GSE1: variants seen among roughly 807,000 people sequenced by gnomAD.
GSE1 encodes genetic suppressor element 1.
A neutral mutation model predicts 112.6 loss-of-function variants in GSE1; 32 were observed. That is an observed-to-expected ratio of 0.28 (90% CI 0.21 to 0.38). The LOEUF (loss-of-function observed/expected upper bound fraction) is 0.38. Ranked by LOEUF, GSE1 falls within the 10% of genes least tolerant of loss-of-function variation. GSE1 has a pLI of 1.00. For synonymous variants in GSE1, 1,115 were observed against 735.6 expected (o/e 1.52, Z -8.35); for missense variants, 2,348 against 1,699.2 (o/e 1.38, Z -6.71).
chr16:85,293,443 G>A (rs142537093), intron 1 of GSE1, among the ~76,000 whole-genome samples: 2,656 of 152,276 alleles, frequency 0.017, 261 homozygotes, highest in Admixed American at 0.16. Context: ...CAACTCGGGA[G>A]GCTGAGGCAG....
intron 1 of GSE1, among the ~76,000 whole-genome samples, chr16:85,625,356 C>T (rs919685128): frequency 3.3e-5 from 5 of 152,220 alleles, no homozygotes; most frequent in African/African-American, 1.2e-4. Context: ...GAACCTCAGT[C>T]GCAGGACCGT....
chr16:85,294,576 G>A (rs563995105), intron 1 of GSE1, among the ~76,000 whole-genome samples: 2 of 150,120 alleles, frequency 1.3e-5, no homozygotes, highest in African/African-American at 4.9e-5. Flanking sequence ...ACAGGCTGGG[G>A]TCACATTCAG....
intron 2 of GSE1, among the ~76,000 whole-genome samples, chr16:85,397,989 T>C (rs955451663): frequency 2.1e-5 from 3 of 142,364 alleles, no homozygotes; most frequent in Non-Finnish European, 3.1e-5. Flanking sequence ...GGGGGTGGGG[T>C]TGGGGGTGGG....
intron 3 of GSE1, among the ~76,000 whole-genome samples, chr16:85,653,164 T>C: frequency 9.3e-6 from 1 of 107,950 alleles, no homozygotes. Flanking sequence ...AGCCCCCATC[T>C]GGGCCGCCCT....
intron 1 of GSE1, among the ~76,000 whole-genome samples, chr16:85,319,282 G>C (rs74031789): frequency 6.6e-6 from 1 of 152,158 alleles, no homozygotes; most frequent in Admixed American, 6.5e-5. Context: ...ACTTGCGATC[G>C]GTGCCAGGGC....
intron 2 of GSE1, among the ~76,000 whole-genome samples, chr16:85,385,069 G>A (rs371772387): frequency 5.9e-5 from 9 of 152,350 alleles, no homozygotes; most frequent in East Asian, 1.9e-4. Context: ...CACCTGCCCC[G>A]GGCCCTGTTG....
At chr16:85,666,523 A>G in intron 13 of GSE1, 176 bp downstream of exon 13, 1 of 655,600 alleles carries the variant, frequency 1.5e-6, no homozygotes, top group Non-Finnish European at 2.6e-6. Flanking sequence ...GTTTATCTCC[A>G]AGCTCTAAAA....
At chr16:85,652,712 A>C (rs914304754) in intron 3 of GSE1, among the ~76,000 whole-genome samples, 27 of 152,110 alleles carry the variant, frequency 1.8e-4, no homozygotes, top group African/African-American at 6.5e-4. Context: ...GGGCCCAGGA[A>C]GAGGGGCTGG....
At chr16:85,608,902 A>G (rs1166197150), upstream of GSE1, among the ~76,000 whole-genome samples, 1 of 152,210 alleles carries the variant, frequency 6.6e-6, no homozygotes, top group African/African-American at 2.4e-5. Flanking sequence ...TGCAGTTCCT[A>G]CGTGCTAGGA....
chr16:85,648,806 A>G (rs1015858411), intron 3 of GSE1, 55 bp downstream of exon 3: 6 of 1,066,048 alleles, frequency 5.6e-6, no homozygotes, highest in South Asian at 1.5e-5. Context: ...GGCTGGATTC[A>G]GGCATCCATT....
intron 1 of GSE1, among the ~76,000 whole-genome samples, chr16:85,292,473 C>T (rs891988594): frequency 2.6e-5 from 4 of 152,078 alleles, no homozygotes; most frequent in Non-Finnish European, 5.9e-5. Context: ...GGATTACAAG[C>T]ACGTGCCACC....
At chr16:85,393,075 G>A (rs1207599977) in intron 2 of GSE1, among the ~76,000 whole-genome samples, 2 of 152,232 alleles carry the variant, frequency 1.3e-5, no homozygotes, top group African/African-American at 2.4e-5. Context: ...GCCTGCAGTC[G>A]TTGCTTCTCA....
intron 1 of GSE1, among the ~76,000 whole-genome samples, chr16:85,617,815 C>T (rs1232759138): frequency 6.6e-6 from 1 of 152,104 alleles, no homozygotes; most frequent in Admixed American, 6.5e-5. Flanking sequence ...GACCTGGGGT[C>T]TCTCTTCCCA....
At chr16:85,560,992 C>T (rs2045491719) in intron 1 of GSE1, among the ~76,000 whole-genome samples, 1 of 151,916 alleles carries the variant, frequency 6.6e-6, no homozygotes, top group South Asian at 2.1e-4. Flanking sequence ...ATTAGTCGAT[C>T]GTGGTGGTGC....
intron 8 of GSE1, among the ~76,000 whole-genome samples, chr16:85,658,062 A>G (rs2052119272): frequency 1.3e-5 from 2 of 152,260 alleles, no homozygotes; most frequent in African/African-American, 4.8e-5. Flanking sequence ...TATTAATAGT[A>G]AAAACACATG....
At chr16:85,446,615 C>T (rs1399459023) in intron 2 of GSE1, among the ~76,000 whole-genome samples, 1 of 152,130 alleles carries the variant, frequency 6.6e-6, no homozygotes, top group Non-Finnish European at 1.5e-5. Context: ...GGGCTCGACC[C>T]CTATGGGGTG....
intron 3 of GSE1, among the ~76,000 whole-genome samples, chr16:85,651,617 G>A (rs964298016): frequency 4.6e-5 from 7 of 152,210 alleles, no homozygotes; most frequent in South Asian, 2.1e-4. Flanking sequence ...GGAGGAGGGC[G>A]GCAGGCCTGG....
chr16:85,303,977 G>A (rs896349723), intron 1 of GSE1, among the ~76,000 whole-genome samples: 10 of 152,252 alleles, frequency 6.6e-5, no homozygotes, highest in Non-Finnish European at 1.3e-4. Flanking sequence ...GAGACAATGA[G>A]AACAGGACCC....
At chr16:85,524,767 A>G (rs1208009102) in intron 2 of GSE1, among the ~76,000 whole-genome samples, 4 of 152,142 alleles carry the variant, frequency 2.6e-5, no homozygotes, top group Non-Finnish European at 5.9e-5. Context: ...TGATGGCCTC[A>G]TCACATCCCG....
Sources: allele counts gnomAD v4.1 joint callset (sites outside exome capture counted in the v4.1 genomes callset), GRCh38; gene constraint gnomAD v4.1.1; transcripts MANE v1.5; gene names NCBI Gene and HGNC (gene_info 2026-07-23, HGNC 2026-07-21).